PDE4D: variants seen among roughly 807,000 people sequenced by gnomAD.
PDE4D encodes the protein 3',5'-cyclic-AMP phosphodiesterase 4D.
A neutral mutation model predicts 87.4 loss-of-function variants in PDE4D; 24 were observed. The ratio of observed to expected loss-of-function variants is 0.27; its 90% confidence interval spans 0.20 to 0.39. The LOEUF is 0.39. Among genes scored for constraint, PDE4D ranks in the 10% least tolerant of loss-of-function variants. PDE4D has a pLI of 1.00. For missense variants in PDE4D, 714 were observed against 1,041.0 expected (o/e 0.69, Z 4.32); for synonymous variants, 384 against 383.2 (o/e 1.00, Z -0.02).
chr5:59,614,428 T>C (rs1829397493), intron 1 of PDE4D, among the ~76,000 whole-genome samples: 1 of 152,148 alleles, frequency 6.6e-6, no homozygotes, highest in African/African-American at 2.4e-5. Context: ...CTTACAAGTA[T>C]GAGAAAAGTG....
intron 1 of PDE4D, among the ~76,000 whole-genome samples, chr5:60,302,514 A>G (rs1753991732): frequency 6.6e-6 from 1 of 152,144 alleles, no homozygotes; most frequent in Non-Finnish European, 1.5e-5. Flanking sequence ...CAGTGGTGAT[A>G]TCCCCCTTAT....
chr5:59,578,344 T>C (rs1357341761), intron 1 of PDE4D, among the ~76,000 whole-genome samples: 1 of 152,104 alleles, frequency 6.6e-6, no homozygotes, highest in Non-Finnish European at 1.5e-5. Flanking sequence ...CAACAACAAT[T>C]AAGATCAACT....
At chr5:60,463,606 C>T (rs1162190419) in intron 1 of PDE4D, among the ~76,000 whole-genome samples, 1 of 152,148 alleles carries the variant, frequency 6.6e-6, no homozygotes, top group African/African-American at 2.4e-5. Context: ...AAAAGCAAAA[C>T]ATTCTAACCC....
chr5:58,985,105 G>A (rs566738843), intron 11 of PDE4D, among the ~76,000 whole-genome samples: 1 of 151,996 alleles, frequency 6.6e-6, no homozygotes, highest in Non-Finnish European at 1.5e-5. Flanking sequence ...TGTAAAGACA[G>A]GGTTTCACCT....
intron 2 of PDE4D, among the ~76,000 whole-genome samples, chr5:60,094,588 CTTTTTTTTT>C (rs3087200): frequency 1.7e-5 from 1 of 58,180 alleles, no homozygotes; most frequent in Non-Finnish European, 3.1e-5. Flanking sequence ...GAGTGACATG[CTTTTTTTTT>C]TTTTTTTTTT....
intron 5 of PDE4D, among the ~76,000 whole-genome samples, chr5:59,053,691 C>T (rs1284600595): frequency 7.8e-6 from 1 of 127,492 alleles, no homozygotes; most frequent in African/African-American, 3.0e-5. Flanking sequence ...CACGGTCGCT[C>T]ATGCCTGTAA....
intron 2 of PDE4D, among the ~76,000 whole-genome samples, chr5:60,049,620 C>T (rs1562025410): frequency 1.3e-5 from 2 of 152,150 alleles, no homozygotes; most frequent in African/African-American, 2.4e-5. Context: ...TTGGAGTACC[C>T]AGCCGTGTGA....
At chr5:60,195,186 C>T (rs577167783) in intron 1 of PDE4D, among the ~76,000 whole-genome samples, 24 of 151,688 alleles carry the variant, frequency 1.6e-4, no homozygotes, top group African/African-American at 5.1e-4. Flanking sequence ...CTCCCAATAT[C>T]CCAGCCCCAT....
chr5:59,853,610 G>A (rs1268987448), intron 1 of PDE4D, among the ~76,000 whole-genome samples: 1 of 151,860 alleles, frequency 6.6e-6, no homozygotes, highest in Admixed American at 6.6e-5. Context: ...TTATTTTTAA[G>A]CTATATCTAA....
At chr5:59,232,331 C>A (rs925210029) in intron 1 of PDE4D, among the ~76,000 whole-genome samples, 35 of 151,946 alleles carry the variant, frequency 2.3e-4, no homozygotes, top group African/African-American at 8.0e-4. Flanking sequence ...AAAACAAAAC[C>A]AAACCAAACC....
chr5:59,890,732 A>T (rs1198825786), intron 1 of PDE4D, among the ~76,000 whole-genome samples: 1 of 152,240 alleles, frequency 6.6e-6, no homozygotes, highest in African/African-American at 2.4e-5. Flanking sequence ...CTCACAGTCT[A>T]TGTGATACTG....
intron 1 of PDE4D, among the ~76,000 whole-genome samples, chr5:59,439,969 A>G (rs1007345002): frequency 5.3e-5 from 8 of 152,246 alleles, no homozygotes; most frequent in Admixed American, 2.0e-4. Context: ...CCTAAGATGT[A>G]GCAAATCTGT....
chr5:59,702,152 C>G (rs1189050539), intron 1 of PDE4D, among the ~76,000 whole-genome samples: 1 of 152,126 alleles, frequency 6.6e-6, no homozygotes, highest in Non-Finnish European at 1.5e-5. Context: ...GAGATGAAGT[C>G]TCACTCTGTC....
intron 1 of PDE4D, chr5:59,703,486 A>G (rs1283755338): frequency 5.8e-6 from 3 of 513,932 alleles, no homozygotes; most frequent in Non-Finnish European, 1.2e-5. Flanking sequence ...ATACAGCATT[A>G]CAAATTGATG....
chr5:59,832,507 G>C (rs1741394829), intron 1 of PDE4D, among the ~76,000 whole-genome samples: 1 of 151,972 alleles, frequency 6.6e-6, no homozygotes, highest in African/African-American at 2.4e-5. Flanking sequence ...ACCAGCAATG[G>C]CCACTTTTTT....
At chr5:60,159,736 T>A (rs918375465) in intron 2 of PDE4D, among the ~76,000 whole-genome samples, 2 of 152,234 alleles carry the variant, frequency 1.3e-5, no homozygotes, top group African/African-American at 4.8e-5. Flanking sequence ...CATCACCATA[T>A]AATATTCAGC....
intron 1 of PDE4D, among the ~76,000 whole-genome samples, chr5:59,477,353 TAAAAAA>T (rs35047246): frequency 6.6e-4 from 58 of 88,314 alleles, no homozygotes; most frequent in African/African-American, 1.4e-3. Flanking sequence ...TAGAGTATAA[TAAAAAA>T]AAAAAAAAAA....
At chr5:59,990,909 T>C (rs909097165) in intron 2 of PDE4D, among the ~76,000 whole-genome samples, 1 of 152,164 alleles carries the variant, frequency 6.6e-6, no homozygotes, top group Non-Finnish European at 1.5e-5. Flanking sequence ...ACCAGGATGA[T>C]TGATCACCCT....
chr5:59,246,941 ACAC>A (rs1397937391), intron 1 of PDE4D, among the ~76,000 whole-genome samples: 4 of 152,170 alleles, frequency 2.6e-5, no homozygotes, highest in Non-Finnish European at 5.9e-5. Flanking sequence ...ATGTGTGTAC[ACAC>A]TTTTATAGAA....
Sources: allele counts gnomAD v4.1 joint callset (sites outside exome capture counted in the v4.1 genomes callset), GRCh38; gene constraint gnomAD v4.1.1; transcripts MANE v1.5; gene names NCBI Gene and HGNC (gene_info 2026-07-23, HGNC 2026-07-21).